Variants in PLXNA4 observed in about 807,000 individuals in gnomAD.
PLXNA4 encodes the protein plexin A4.
PLXNA4 carries 44 observed loss-of-function variants against 191.8 expected under a neutral mutation model. The ratio of observed to expected loss-of-function variants is 0.23; its 90% CI spans 0.18 to 0.29. PLXNA4 has a LOEUF of 0.29. Ranked by LOEUF, PLXNA4 falls within the 10% of genes least tolerant of loss-of-function variation. PLXNA4 has a pLI of 1.00. For missense variants in PLXNA4, 1,800 were observed against 2,488.8 expected (o/e 0.72, Z 5.89); for synonymous variants, 1,082 against 1,009.5 (o/e 1.07, Z -1.36).
chr7:132,236,719 A>G (rs949833955), intron 5 of PLXNA4, among the ~76,000 whole-genome samples: 1 of 152,102 alleles, frequency 6.6e-6, no homozygotes, highest in African/African-American at 2.4e-5. Flanking sequence ...GTGAGTGTGG[A>G]CACAGCACTC....
chr7:132,295,816 C>T (rs569277707), intron 4 of PLXNA4, among the ~76,000 whole-genome samples: 2 of 152,306 alleles, frequency 1.3e-5, no homozygotes, highest in African/African-American at 4.8e-5. Flanking sequence ...AGAGTCTCTC[C>T]ATTTAACAAG....
chr7:132,169,044 G>A (rs1398473340), intron 21 of PLXNA4, among the ~76,000 whole-genome samples: 6 of 152,160 alleles, frequency 3.9e-5, no homozygotes, highest in African/African-American at 1.4e-4. Context: ...TACACCAGTG[G>A]CCTCGGAGTC....
In PLXNA4 at chr7:132,396,792, A is replaced by G. The variant is rs559302830; in HGVS notation, c.1371+92500T>C. On this transcript the variant is annotated intron_variant, in intron 3 of 31. Transcript: ENST00000321063. ...CAGGTGTGAGCCACCGCGCCTGGCC[A>G]GCAGGGCCAGACTTTGAACCTCAGG... 3.3e-5 allele frequency among the ~76,000 whole-genome samples: 5 copies of G among 152,380 alleles called. No individual in the cohort carries two copies. The South Asian group carries it at 1.0e-3, about 32-fold the overall frequency.
At chr7:132,273,243 G>T (rs1402652911) in intron 4 of PLXNA4, among the ~76,000 whole-genome samples, 1 of 152,006 alleles carries the variant, frequency 6.6e-6, no homozygotes, top group Non-Finnish European at 1.5e-5. Context: ...AATGTTGGGG[G>T]AAAATATAAT....
chr7:132,403,492 A>G (rs1794080811), intron 3 of PLXNA4, among the ~76,000 whole-genome samples: 2 of 152,200 alleles, frequency 1.3e-5, no homozygotes, highest in Non-Finnish European at 2.9e-5. Flanking sequence ...ATGACACCTG[A>G]AAGTCTTCCG....
intron 6 of PLXNA4, 125 bp downstream of exon 6, chr7:132,228,221 T>G: frequency 3.3e-4 from 429 of 1,292,596 alleles, no homozygotes; most frequent in Non-Finnish European, 4.1e-4. Flanking sequence ...ACCCTTCTCT[T>G]GAGCTGCTTC....
At chr7:132,249,730 T>A (rs1003944470) in intron 4 of PLXNA4, among the ~76,000 whole-genome samples, 5 of 152,244 alleles carry the variant, frequency 3.3e-5, no homozygotes, top group African/African-American at 1.2e-4. Context: ...CCCTCGGGCC[T>A]GCCAGACACC....
chr7:132,332,059 A>G (rs185532635), intron 3 of PLXNA4, among the ~76,000 whole-genome samples: 1 of 152,276 alleles, frequency 6.6e-6, no homozygotes, highest in Non-Finnish European at 1.5e-5. Context: ...ACTCCCTTCA[A>G]ACACTCACAT....
In PLXNA4 at chr7:132,599,192, C is replaced by G. The variant is rs146707715; in HGVS notation, c.-87+46736G>C. On this transcript the variant is annotated intron_variant, in intron 2 of 4. Coordinates refer to the PLXNA4 transcript ENST00000378539. ...CTGGAAGGGTAGGTCCCCCTACTCACTCCTCCTATGATCTTTGCTTTGTTG... is the reference window on the plus strand; with the variant it reads ...CTGGAAGGGTAGGTCCCCCTACTCAGTCCTCCTATGATCTTTGCTTTGTTG... Among the ~76,000 whole-genome samples the G allele has an allele frequency of 5.1e-3, 775 of 152,308 alleles. 5 individuals carry two copies. Among genetic ancestry groups the G allele is most frequent in the African/African-American group, 0.017 (726 of 41,568 alleles).
chr7:132,642,134 T>A (rs1803756406), intron 2 of PLXNA4, among the ~76,000 whole-genome samples: 1 of 152,288 alleles, frequency 6.6e-6, no homozygotes, highest in South Asian at 2.1e-4. Context: ...TCAATGACAT[T>A]TTTAATGATT....
intron 3 of PLXNA4, among the ~76,000 whole-genome samples, chr7:132,337,832 C>G (rs1457941661): frequency 6.6e-6 from 1 of 152,154 alleles, no homozygotes; most frequent in Non-Finnish European, 1.5e-5. Context: ...TTTTCTTGAA[C>G]TTTTGGAGAA....
chr7:132,286,581 C>A (rs1800691159), intron 4 of PLXNA4, among the ~76,000 whole-genome samples: 1 of 152,134 alleles, frequency 6.6e-6, no homozygotes, highest in African/African-American at 2.4e-5. Flanking sequence ...CCTCACCCAC[C>A]CCTGCTCTAC....
In PLXNA4 at chr7:132,321,150, C is replaced by A. The variant is rs77175109; in HGVS notation, c.1372-22928G>T. Among the ~76,000 whole-genome samples, 467 of 152,286 alleles carry A rather than the reference C, an allele frequency of 3.1e-3. 8 individuals are homozygous for A. In the East Asian group the frequency reaches 0.055, roughly 18 times the overall value. On this transcript the variant is annotated intron_variant, in intron 3 of 31. Transcript: ENST00000321063. Reference sequence around the variant, plus strand: ...CTCACCTGGCTCTCCGTCCGCCACCCCCTCGCGCTTACTTGCATGCCCTCA... The same window carrying A: ...CTCACCTGGCTCTCCGTCCGCCACCACCTCGCGCTTACTTGCATGCCCTCA...
chr7:132,379,896 G>A (rs1211062704), intron 3 of PLXNA4, among the ~76,000 whole-genome samples: 1 of 152,176 alleles, frequency 6.6e-6, no homozygotes, highest in African/African-American at 2.4e-5. Flanking sequence ...GTAGGGACCA[G>A]TTATTTAATT....
intron 3 of PLXNA4, among the ~76,000 whole-genome samples, chr7:132,333,786 A>G (rs1802694501): frequency 6.6e-6 from 1 of 152,204 alleles, no homozygotes; most frequent in South Asian, 2.1e-4. Context: ...TGTGGGGATA[A>G]GACACTTCCA....
chr7:132,162,703 C>T (rs1795986602), intron 24 of PLXNA4, among the ~76,000 whole-genome samples: 1 of 152,060 alleles, frequency 6.6e-6, no homozygotes, highest in Non-Finnish European at 1.5e-5. Flanking sequence ...CAGACGGTAA[C>T]TGCCAGAAAG....
At chr7:132,460,859 C>T (rs1434413235) in intron 3 of PLXNA4, among the ~76,000 whole-genome samples, 1 of 152,080 alleles carries the variant, frequency 6.6e-6, no homozygotes, top group African/African-American at 2.4e-5. Context: ...CTCTTAGACT[C>T]ATGGTACCTC....
intron 3 of PLXNA4, among the ~76,000 whole-genome samples, chr7:132,342,471 GGT>G (rs1204981482): frequency 1.3e-5 from 2 of 151,822 alleles, no homozygotes; most frequent in Non-Finnish European, 2.9e-5. Context: ...TGTAGACAAG[GGT>G]GTGTTTTAAT....
intron 3 of PLXNA4, among the ~76,000 whole-genome samples, chr7:132,450,719 C>T (rs1168931288): frequency 1.3e-5 from 2 of 152,204 alleles, no homozygotes; most frequent in African/African-American, 4.8e-5. Flanking sequence ...AAGGAGGCAG[C>T]TGTGTCCCCA....
Sources: gnomAD v4.1 joint callset for allele counts (sites outside exome capture counted in the v4.1 genomes callset) on GRCh38, gnomAD v4.1.1 for gene constraint, MANE v1.5 for transcripts, NCBI Gene and HGNC (gene_info 2026-07-23, HGNC 2026-07-21) for gene names.